The following GLIS3 variants were observed in gnomAD, a reference collection of about 807,000 sequenced individuals.
The protein encoded by GLIS3 is GLIS family zinc finger 3.
Under a neutral mutation model 78.6 loss-of-function variants are expected in GLIS3, and 53 were observed. The ratio of observed to expected loss-of-function variants is 0.67; its 90% CI spans 0.54 to 0.85. The LOEUF (loss-of-function observed/expected upper bound fraction) is 0.85, where lower values mean the gene tolerates loss of function less well. Ranked by LOEUF, GLIS3 falls within the 40% of genes least tolerant of loss-of-function variation. The pLI, the probability that GLIS3 is intolerant of heterozygous loss-of-function variation, is 0.00. For missense variants in GLIS3, 1,703 were observed against 1,231.1 expected, an observed-to-expected ratio of 1.38 and a Z score of -5.74; for synonymous variants, 684 against 509.9, an observed-to-expected ratio of 1.34 and a Z score of -4.60.
At chr9:4,169,005 A>G (rs202216078) in intron 2 of GLIS3, among the ~76,000 whole-genome samples, 1 of 152,214 alleles carries the variant, frequency 6.6e-6, no homozygotes, top group East Asian at 1.9e-4. Flanking sequence ...AGTCTCAGGT[A>G]GTATTTGGAT....
At chr9:4,273,371 G>A (rs1427433116) in intron 2 of GLIS3, among the ~76,000 whole-genome samples, 1 of 152,076 alleles carries the variant, frequency 6.6e-6, no homozygotes, top group Non-Finnish European at 1.5e-5. Context: ...GAGGCAGGAG[G>A]GTCACTTAAG....
chr9:4,306,586 T>C (rs1817234096), intron 4 of GLIS3, among the ~76,000 whole-genome samples: 1 of 152,170 alleles, frequency 6.6e-6, no homozygotes, highest in Non-Finnish European at 1.5e-5. Context: ...CCTACTGAAA[T>C]AGGATTTTTC....
chr9:4,385,584 G>C, the GLIS3 span, among the ~76,000 whole-genome samples: 1 of 149,056 alleles, frequency 6.7e-6, no homozygotes, highest in East Asian at 2.0e-4. Context: ...AGAAATGCTT[G>C]AACCTAGGAG....
chr9:4,123,645 A>G (rs1043712046), intron 3 of GLIS3: 4 of 386,144 alleles, frequency 1.0e-5, no homozygotes, highest in Non-Finnish European at 1.8e-5. Context: ...AGCTTATAAT[A>G]TATTAACTGG....
At chr9:3,945,794 C>T (rs1816253344) in intron 4 of GLIS3, among the ~76,000 whole-genome samples, 1 of 151,756 alleles carries the variant, frequency 6.6e-6, no homozygotes, top group South Asian at 2.1e-4. Flanking sequence ...TAAAAGGCAA[C>T]TAATTAAGCA....
At chr9:3,879,664 C>G (rs1563806568) in intron 7 of GLIS3, 69 bp from the exon 8 acceptor site, 5 of 1,537,232 alleles carry the variant, frequency 3.3e-6, no homozygotes, top group Admixed American at 1.8e-5. Context: ...AATACCGAAG[C>G]CTGACAGCAA....
the GLIS3 span, among the ~76,000 whole-genome samples, chr9:4,457,484 C>T: frequency 2.0e-5 from 3 of 152,076 alleles, no homozygotes; most frequent in Admixed American, 6.6e-5. Flanking sequence ...TCTTAACACC[C>T]TCTGTGGACT....
At chr9:3,962,813 G>A (rs2130888070) in intron 4 of GLIS3, among the ~76,000 whole-genome samples, 1 of 152,216 alleles carries the variant, frequency 6.6e-6, no homozygotes, top group Admixed American at 6.5e-5. Flanking sequence ...CCGAAACCCT[G>A]CACTTTCAGG....
chr9:4,275,393 T>G (rs1191073069), intron 2 of GLIS3, among the ~76,000 whole-genome samples: 2 of 152,124 alleles, frequency 1.3e-5, no homozygotes, highest in Middle Eastern at 3.2e-3. Context: ...AGGAGAAAGA[T>G]TTCTCTGAAC....
At chr9:4,149,175 A>G (rs1834472595) in intron 2 of GLIS3, among the ~76,000 whole-genome samples, 1 of 152,166 alleles carries the variant, frequency 6.6e-6, no homozygotes, top group Non-Finnish European at 1.5e-5. Context: ...TTAAAAATGA[A>G]GTGAAAGTTA....
At chr9:4,451,503 T>C in the GLIS3 span, among the ~76,000 whole-genome samples, 2 of 152,164 alleles carry the variant, frequency 1.3e-5, no homozygotes, top group African/African-American at 4.8e-5. Context: ...GTGAACCTAA[T>C]AGACATCTAC....
chr9:4,252,046 T>C (rs890428239), intron 2 of GLIS3, among the ~76,000 whole-genome samples: 5 of 152,322 alleles, frequency 3.3e-5, no homozygotes, highest in Admixed American at 6.5e-5. Context: ...CATTTTTTCC[T>C]TCATTTCAAC....
At chr9:4,147,476 A>C (rs957781097) in intron 2 of GLIS3, 2 of 152,126 alleles carry the variant, frequency 1.3e-5, no homozygotes, top group South Asian at 2.1e-4. Flanking sequence ...TAGATTGTTT[A>C]TATCTTGCCC....
At chr9:4,177,438 C>A (rs761613313) in intron 2 of GLIS3, among the ~76,000 whole-genome samples, 1 of 152,132 alleles carries the variant, frequency 6.6e-6, no homozygotes, top group Non-Finnish European at 1.5e-5. Flanking sequence ...CATACATGGT[C>A]AATGGAAATT....
intron 4 of GLIS3, among the ~76,000 whole-genome samples, chr9:3,987,547 C>G (rs1819842439): frequency 6.6e-6 from 1 of 151,252 alleles, no homozygotes; most frequent in Admixed American, 6.6e-5. Context: ...ACTAAAAATG[C>G]AAAAATTAGC....
chr9:4,293,836 G>C (rs1044121938), intron 1 of GLIS3, among the ~76,000 whole-genome samples: 2 of 152,228 alleles, frequency 1.3e-5, no homozygotes, highest in Admixed American at 1.3e-4. Context: ...GCTCCTGAAG[G>C]AATGTGCAGT....
intron 4 of GLIS3, among the ~76,000 whole-genome samples, chr9:3,991,471 T>A (rs1426857868): frequency 6.6e-6 from 1 of 152,174 alleles, no homozygotes; most frequent in Non-Finnish European, 1.5e-5. Flanking sequence ...TGATTTCATT[T>A]GGAGGCTTAA....
At chr9:4,151,484 G>C (rs1259627083) in intron 2 of GLIS3, among the ~76,000 whole-genome samples, 4 of 152,134 alleles carry the variant, frequency 2.6e-5, no homozygotes, top group Non-Finnish European at 1.5e-5. Flanking sequence ...GCTTAGAAAG[G>C]GGGAAAGTCT....
intron 4 of GLIS3, among the ~76,000 whole-genome samples, chr9:4,059,355 T>C (rs1258699454): frequency 2.6e-5 from 4 of 152,236 alleles, no homozygotes; most frequent in African/African-American, 4.8e-5. Context: ...TTGGCACCTC[T>C]GGAGATCTCT....
Sources: allele counts gnomAD v4.1 joint callset (sites outside exome capture counted in the v4.1 genomes callset), GRCh38; gene constraint gnomAD v4.1.1; transcripts MANE v1.5; gene names NCBI Gene and HGNC (gene_info 2026-07-23, HGNC 2026-07-21).